Variants in PAAF1 observed in about 807,000 individuals in gnomAD.
PAAF1 encodes the protein proteasomal ATPase-associated factor 1.
In PAAF1, 46 loss-of-function variants were observed where a neutral mutation model predicts 52.8. The observed-to-expected ratio is 0.87, with a 90% confidence interval of 0.69 to 1.11. PAAF1 has a LOEUF of 1.11. Among genes scored for constraint, PAAF1 ranks in the 50% most tolerant of loss-of-function variants. The pLI is 0.00. For missense variants in PAAF1, 424 were observed against 477.4 expected (o/e 0.89, Z 1.04); for synonymous variants, 178 against 172.8 (o/e 1.03, Z -0.24).
At chr11:73,890,177 C>T (rs987434556) in intron 3 of PAAF1, among the ~76,000 whole-genome samples, 2 of 152,142 alleles carry the variant, frequency 1.3e-5, no homozygotes, top group Non-Finnish European at 2.9e-5. Flanking sequence ...GAGATCTATA[C>T]TTAAGTGATA....
intron 7 of PAAF1, among the ~76,000 whole-genome samples, chr11:73,911,176 T>C (rs1033779939): frequency 3.9e-5 from 6 of 152,078 alleles, no homozygotes; most frequent in Non-Finnish European, 7.4e-5. Flanking sequence ...ACTCTTGGTG[T>C]TATATATCCT....
chr11:73,899,497 C>T (rs1223526612), intron 5 of PAAF1, among the ~76,000 whole-genome samples: 1 of 150,426 alleles, frequency 6.6e-6, no homozygotes, highest in Non-Finnish European at 1.5e-5. Context: ...CTGCAACCTC[C>T]GCCTCCTGGG....
chr11:73,897,007 G>T (rs1949400794), intron 4 of PAAF1, among the ~76,000 whole-genome samples: 1 of 146,584 alleles, frequency 6.8e-6, no homozygotes, highest in Non-Finnish European at 1.5e-5. Context: ...TCCTGGACGG[G>T]GCGGCTGGCC....
intron 2 of PAAF1, among the ~76,000 whole-genome samples, chr11:73,885,520 C>T (rs1949037249): frequency 1.3e-5 from 2 of 151,854 alleles, no homozygotes. Flanking sequence ...CAGCTCCTAT[C>T]TTTCTTTGAG....
At chr11:73,884,428 G>A (rs1228988248) in intron 2 of PAAF1, among the ~76,000 whole-genome samples, 1 of 152,172 alleles carries the variant, frequency 6.6e-6, no homozygotes, top group Non-Finnish European at 1.5e-5. Context: ...CTGGGAGATA[G>A]AGGCTGCAGT....
chr11:73,890,325 A>G (rs1949165785), intron 3 of PAAF1, among the ~76,000 whole-genome samples: 2 of 152,194 alleles, frequency 1.3e-5, no homozygotes, highest in Admixed American at 6.5e-5. Flanking sequence ...TAAAATGGTT[A>G]CAAATGGCCC....
At chr11:73,914,364 A>G (rs1205742561) in intron 7 of PAAF1, 49 bp from the exon 8 acceptor site, 2 of 1,530,798 alleles carry the variant, frequency 1.3e-6, no homozygotes, top group African/African-American at 2.7e-5. Context: ...TGTGGGCACT[A>G]CCAGCTGATC....
chr11:73,919,753 T>G (rs565481899), intron 10 of PAAF1, among the ~76,000 whole-genome samples: 4 of 152,190 alleles, frequency 2.6e-5, no homozygotes, highest in South Asian at 2.1e-4. Context: ...ATGATGTAGG[T>G]CAGGAGGACT....
chr11:73,893,843 G>A (rs1446583965), intron 4 of PAAF1, among the ~76,000 whole-genome samples: 1 of 151,806 alleles, frequency 6.6e-6, no homozygotes, highest in Non-Finnish European at 1.5e-5. Context: ...AGAATCACTT[G>A]AGCCCAAGAG....
intron 7 of PAAF1, among the ~76,000 whole-genome samples, chr11:73,913,751 G>T (rs1227981609): frequency 2.0e-5 from 3 of 151,824 alleles, no homozygotes; most frequent in Admixed American, 6.6e-5. Context: ...AGGCCCTAAA[G>T]AAATATTTGG....
At chr11:73,913,146 G>A (rs1949977773) in intron 7 of PAAF1, among the ~76,000 whole-genome samples, 1 of 151,996 alleles carries the variant, frequency 6.6e-6, no homozygotes, top group African/African-American at 2.4e-5. Context: ...CAAAATTCTG[G>A]GATTACAGGC....
intron 10 of PAAF1, among the ~76,000 whole-genome samples, chr11:73,920,594 T>G (rs935715501): frequency 2.0e-5 from 3 of 152,128 alleles, no homozygotes; most frequent in African/African-American, 7.2e-5. Context: ...GGCTCACACC[T>G]GTAATCCCAG....
chr11:73,908,052 C>A (rs1186808165), intron 6 of PAAF1, among the ~76,000 whole-genome samples: 4 of 151,974 alleles, frequency 2.6e-5, no homozygotes, highest in South Asian at 2.1e-4. Context: ...CCAAGTCTTA[C>A]TATGCTTGTG....
Position 73,883,706 on chromosome 11 carries a change from G to A in PAAF1, c.89-3648G>A, listed in dbSNP as rs576560212. Among the ~76,000 whole-genome samples, 10 of 151,760 alleles carry A rather than the reference G, an allele frequency of 6.6e-5. No homozygotes were observed. The East Asian group carries it at 1.8e-3, about 27-fold the overall frequency. ...TAATTTTTGTATTTTCAGTAGAGAC[G>A]AACGAGGTTTCGACATGTTGGCCAG... On this transcript the variant is annotated intron_variant, in intron 2 of 11. Transcript: ENST00000310571.
chr11:73,904,685 T>C (rs953201376), intron 6 of PAAF1, among the ~76,000 whole-genome samples: 1 of 152,162 alleles, frequency 6.6e-6, no homozygotes, highest in Non-Finnish European at 1.5e-5. Flanking sequence ...CATATACGCA[T>C]GTATGTATAT....
chr11:73,892,299 G>A (rs948699651), intron 4 of PAAF1, among the ~76,000 whole-genome samples: 14 of 149,124 alleles, frequency 9.4e-5, no homozygotes, highest in African/African-American at 3.0e-4. Flanking sequence ...CTCCAGCCTG[G>A]GCAACAGAAT....
chr11:73,919,055 A>G, intron 10 of PAAF1, 23 bp downstream of exon 10: 1 of 1,580,216 alleles, frequency 6.3e-7, no homozygotes, highest in South Asian at 1.1e-5. Context: ...GCCAATTGAG[A>G]GAGATGCTTC....
At chr11:73,902,154 G>A (rs902260178) in intron 6 of PAAF1, among the ~76,000 whole-genome samples, 9 of 152,164 alleles carry the variant, frequency 5.9e-5, no homozygotes, top group African/African-American at 1.9e-4. Flanking sequence ...GAGCCACTGC[G>A]CCTGGCCCAA....
intron 6 of PAAF1, among the ~76,000 whole-genome samples, chr11:73,908,387 G>GTA (rs1302530426): frequency 3.7e-4 from 42 of 114,696 alleles, no homozygotes; most frequent in Middle Eastern, 9.0e-3. Flanking sequence ...ATATATGTGT[G>GTA]TATATATATA....
Sources: gnomAD v4.1 joint callset for allele counts (sites outside exome capture counted in the v4.1 genomes callset) on GRCh38, gnomAD v4.1.1 for gene constraint, MANE v1.5 for transcripts, NCBI Gene and HGNC (gene_info 2026-07-23, HGNC 2026-07-21) for gene names.